THSD4: variants seen among roughly 807,000 people sequenced by gnomAD.
THSD4 encodes thrombospondin type 1 domain containing 4, also known as thrombospondin type-1 domain-containing protein 4.
In THSD4, 69 loss-of-function variants were observed where a neutral mutation model predicts 119.0. The observed-to-expected ratio is 0.58, with a 90% CI of 0.48 to 0.71. The LOEUF is 0.71. Ranked by LOEUF, THSD4 falls within the 30% of genes least tolerant of loss-of-function variation. THSD4 has a pLI of 0.00. For synonymous variants in THSD4, 524 were observed against 540.4 expected (o/e 0.97, Z 0.42); for missense variants, 1,393 against 1,391.1 (o/e 1.00, Z -0.02).
chr15:71,396,247 C>T (rs1449184508), intron 6 of THSD4, among the ~76,000 whole-genome samples: 1 of 151,820 alleles, frequency 6.6e-6, no homozygotes, highest in African/African-American at 2.4e-5. Flanking sequence ...CACATGCATA[C>T]ATAATATACA....
At chr15:71,608,301 T>G (rs2050156617) in intron 7 of THSD4, among the ~76,000 whole-genome samples, 1 of 138,090 alleles carries the variant, frequency 7.2e-6, no homozygotes, top group Non-Finnish European at 1.6e-5. Flanking sequence ...AGAAAAATGA[T>G]AAAACTCAAA....
intron 17 of THSD4, among the ~76,000 whole-genome samples, chr15:71,773,478 A>G (rs1359085049): frequency 2.6e-5 from 4 of 152,316 alleles, no homozygotes; most frequent in East Asian, 1.9e-4. Flanking sequence ...GTATTTGTCT[A>G]TGGTATCTTT....
intron 6 of THSD4, among the ~76,000 whole-genome samples, chr15:71,324,147 C>T (rs1567195750): frequency 6.6e-6 from 1 of 151,780 alleles, no homozygotes; most frequent in Non-Finnish European, 1.5e-5. Context: ...TATTGGGGTC[C>T]TTTGGAAGGT....
chr15:71,634,768 A>G (rs1158392344), intron 7 of THSD4, among the ~76,000 whole-genome samples: 2 of 152,220 alleles, frequency 1.3e-5, no homozygotes, highest in East Asian at 3.8e-4. Context: ...AAGTTCAAAG[A>G]GAAGGTCATT....
At chr15:71,648,282 T>C (rs570727103) in intron 7 of THSD4, among the ~76,000 whole-genome samples, 2 of 152,116 alleles carry the variant, frequency 1.3e-5, no homozygotes, top group Non-Finnish European at 2.9e-5. Context: ...CTGTCACATA[T>C]ATCCATGGGG....
intron 6 of THSD4, among the ~76,000 whole-genome samples, chr15:71,362,515 G>A (rs962488724): frequency 2.0e-5 from 3 of 152,130 alleles, no homozygotes; most frequent in African/African-American, 7.2e-5. Flanking sequence ...AGAGAGAAAA[G>A]CCTAGCCTCA....
chr15:71,650,834 C>T (rs895295871), intron 7 of THSD4, among the ~76,000 whole-genome samples: 14 of 152,194 alleles, frequency 9.2e-5, no homozygotes, highest in African/African-American at 2.9e-4. Context: ...TGCTCCACAC[C>T]GCCTCCTGTT....
At chr15:71,706,421 G>A (rs2052393425) in intron 8 of THSD4, among the ~76,000 whole-genome samples, 2 of 152,084 alleles carry the variant, frequency 1.3e-5, no homozygotes, top group African/African-American at 4.8e-5. Flanking sequence ...AAATATACAG[G>A]GGAAATCTCT....
At chr15:71,533,240 A>G (rs1326385489) in intron 7 of THSD4, among the ~76,000 whole-genome samples, 1 of 152,248 alleles carries the variant, frequency 6.6e-6, no homozygotes. Flanking sequence ...TGGTGGGAAC[A>G]CTAGGAAATA....
chr15:71,391,845 T>C (rs891415988), intron 6 of THSD4, among the ~76,000 whole-genome samples: 1 of 152,068 alleles, frequency 6.6e-6, no homozygotes, highest in Non-Finnish European at 1.5e-5. Context: ...TCTGTCCAGA[T>C]CCAATAACAA....
At chr15:71,266,374 T>C (rs2044465767) in intron 6 of THSD4, among the ~76,000 whole-genome samples, 1 of 152,160 alleles carries the variant, frequency 6.6e-6, no homozygotes, top group Non-Finnish European at 1.5e-5. Flanking sequence ...GGGGCCTGAC[T>C]GTTAGAAGGA....
At chr15:71,301,910 C>T (rs139093121) in intron 6 of THSD4, among the ~76,000 whole-genome samples, 12 of 152,204 alleles carry the variant, frequency 7.9e-5, no homozygotes, top group East Asian at 3.9e-4. Flanking sequence ...GCCTTTTGAG[C>T]GAGCCCTTTA....
At chr15:71,653,910 G>A (rs1287707776) in intron 7 of THSD4, among the ~76,000 whole-genome samples, 1 of 136,144 alleles carries the variant, frequency 7.3e-6, no homozygotes, top group Non-Finnish European at 1.6e-5. Context: ...ATCTACCTGA[G>A]CCTTGGTTTT....
At position 71,283,395 on chromosome 15, in the gene THSD4, T is replaced by C. The variant is rs144332756; in HGVS notation, c.1015+26680T>C. ...CTCACATATGGTTTTACGTCACTTA[T>C]TTCTTGAATGTTAATATTAAATGTT... On this transcript the variant is annotated intron_variant, in intron 6 of 17. Transcript: ENST00000261862. Among the ~76,000 whole-genome samples the C allele has an allele frequency of 2.0e-3, 301 of 152,340 alleles. 6 individuals carry two copies. The highest frequency in any genetic ancestry group is 0.018 in the Admixed American group (274 of 15,306).
chr15:71,478,015 C>G (rs1187967934), intron 7 of THSD4, among the ~76,000 whole-genome samples: 7 of 152,194 alleles, frequency 4.6e-5, no homozygotes, highest in Non-Finnish European at 1.0e-4. Context: ...CTGCAAGAAG[C>G]AGACCTGTGC....
At chr15:71,668,951 T>TACTG (rs1342181126) in intron 8 of THSD4, among the ~76,000 whole-genome samples, 1 of 152,258 alleles carries the variant, frequency 6.6e-6, no homozygotes, top group Non-Finnish European at 1.5e-5. Context: ...CTCTAACAAG[T>TACTG]ACTGCTTCCA....
At chr15:71,761,317 C>A (rs1410402937) in intron 15 of THSD4, among the ~76,000 whole-genome samples, 3 of 152,108 alleles carry the variant, frequency 2.0e-5, no homozygotes, top group African/African-American at 7.2e-5. Context: ...TTATCAGTGA[C>A]CACATCCTCT....
chr15:71,189,604 A>G (rs2043649253), intron 3 of THSD4, among the ~76,000 whole-genome samples: 1 of 151,504 alleles, frequency 6.6e-6, no homozygotes, highest in Non-Finnish European at 1.5e-5. Flanking sequence ...CGGGAGGTGG[A>G]GCTTACAGTG....
chr15:71,197,724 G>T (rs895882602), intron 3 of THSD4, among the ~76,000 whole-genome samples: 1 of 152,074 alleles, frequency 6.6e-6, no homozygotes, highest in African/African-American at 2.4e-5. Flanking sequence ...GAAGAAGGTC[G>T]CATCTGCTGC....
Sources: gnomAD v4.1 joint callset for allele counts (sites outside exome capture counted in the v4.1 genomes callset) on GRCh38, gnomAD v4.1.1 for gene constraint, MANE v1.5 for transcripts, NCBI Gene and HGNC (gene_info 2026-07-23, HGNC 2026-07-21) for gene names.